ERC2: variants seen among roughly 807,000 people sequenced by gnomAD.
ERC2 encodes the protein ELKS/RAB6-interacting/CAST family member 2, also known as ERC protein 2.
In ERC2, 42 loss-of-function variants were observed where a neutral mutation model predicts 114.8. The observed-to-expected ratio is 0.37, with a 90% CI of 0.29 to 0.47. The LOEUF is 0.47. Ranked by LOEUF, ERC2 falls within the 20% of genes least tolerant of loss-of-function variation. The pLI is 0.99. For synonymous variants in ERC2, 454 were observed against 425.5 expected (o/e 1.07, Z -0.82); for missense variants, 939 against 1,150.7 (o/e 0.82, Z 2.66).
At chr3:56,342,679 GGT>G (rs1450775760) in intron 2 of ERC2, among the ~76,000 whole-genome samples, 1 of 152,166 alleles carries the variant, frequency 6.6e-6, no homozygotes, top group Non-Finnish European at 1.5e-5. Context: ...GATTCTGCCA[GGT>G]GTGTGTCAGG....
chr3:56,164,357 T>G (rs1575646264), intron 4 of ERC2, among the ~76,000 whole-genome samples: 1 of 152,080 alleles, frequency 6.6e-6, no homozygotes, highest in African/African-American at 2.4e-5. Flanking sequence ...ATGTGGCCTT[T>G]TCTGACTGAC....
At chr3:55,714,658 T>C (rs1468649319) in intron 15 of ERC2, among the ~76,000 whole-genome samples, 1 of 74,070 alleles carries the variant, frequency 1.4e-5, no homozygotes, top group Non-Finnish European at 2.4e-5. Flanking sequence ...TGTGTGTGTG[T>C]GTGTGTGTGT....
intron 1 of ERC2, among the ~76,000 whole-genome samples, chr3:56,463,200 G>C (rs2107582563): frequency 6.6e-6 from 1 of 152,254 alleles, no homozygotes; most frequent in Non-Finnish European, 1.5e-5. Flanking sequence ...CTGCACTCCA[G>C]CCTGGGTGAC....
At chr3:55,597,820 C>A (rs959964011) in intron 17 of ERC2, among the ~76,000 whole-genome samples, 1 of 152,212 alleles carries the variant, frequency 6.6e-6, no homozygotes, top group Non-Finnish European at 1.5e-5. Context: ...GAGATATAGA[C>A]CTTGCCCCTA....
chr3:56,186,471 C>G (rs919544270), intron 3 of ERC2, among the ~76,000 whole-genome samples: 3 of 152,088 alleles, frequency 2.0e-5, no homozygotes, highest in African/African-American at 7.2e-5. Context: ...TAACAGTATC[C>G]AAGTCCAATG....
intron 14 of ERC2, among the ~76,000 whole-genome samples, chr3:55,879,597 A>G (rs1248954132): frequency 6.6e-6 from 1 of 152,190 alleles, no homozygotes; most frequent in Non-Finnish European, 1.5e-5. Flanking sequence ...ATGAACTCAG[A>G]TATGCACTAA....
intron 3 of ERC2, among the ~76,000 whole-genome samples, chr3:56,240,177 T>C (rs2051232730): frequency 6.6e-6 from 1 of 152,204 alleles, no homozygotes; most frequent in Non-Finnish European, 1.5e-5. Context: ...TTATAAGTAA[T>C]GGACACGAAG....
At chr3:55,744,235 T>G (rs566463905) in intron 14 of ERC2, among the ~76,000 whole-genome samples, 1 of 152,164 alleles carries the variant, frequency 6.6e-6, no homozygotes, top group South Asian at 2.1e-4. Context: ...AAACCCCATC[T>G]CTACTAAAAA....
chr3:56,432,811 C>T (rs2061850474), intron 2 of ERC2, among the ~76,000 whole-genome samples: 1 of 152,130 alleles, frequency 6.6e-6, no homozygotes, highest in African/African-American at 2.4e-5. Context: ...ATCTCAATTT[C>T]CTTCAGAAAG....
chr3:55,900,007 C>T (rs951206536), intron 13 of ERC2, among the ~76,000 whole-genome samples: 4 of 152,134 alleles, frequency 2.6e-5, no homozygotes, highest in South Asian at 2.1e-4. Context: ...GGCCCTCTGG[C>T]GGCAGTTACA....
chr3:56,090,867 T>G (rs1005868690), intron 6 of ERC2, among the ~76,000 whole-genome samples: 1 of 151,996 alleles, frequency 6.6e-6, no homozygotes, highest in African/African-American at 2.4e-5. Context: ...TAAGTAGCGA[T>G]GAGAACCCAC....
intron 15 of ERC2, among the ~76,000 whole-genome samples, chr3:55,701,104 T>C (rs565472298): frequency 1.5e-4 from 23 of 152,274 alleles, no homozygotes; most frequent in South Asian, 4.1e-4. Context: ...CTCCAACCAG[T>C]TGGAGTTTTA....
intron 15 of ERC2, among the ~76,000 whole-genome samples, chr3:55,720,945 C>T (rs2064511025): frequency 6.6e-6 from 1 of 152,204 alleles, no homozygotes; most frequent in African/African-American, 2.4e-5. Flanking sequence ...TAATGCTTCT[C>T]TGTGAGTTAG....
chr3:55,746,156 G>A (rs1179203608), intron 14 of ERC2, among the ~76,000 whole-genome samples: 1 of 152,110 alleles, frequency 6.6e-6, no homozygotes, highest in Non-Finnish European at 1.5e-5. Flanking sequence ...ATTGCTGTGA[G>A]AAGAATATGT....
intron 4 of ERC2, among the ~76,000 whole-genome samples, chr3:56,161,561 C>T (rs906602879): frequency 6.6e-6 from 1 of 152,118 alleles, no homozygotes; most frequent in African/African-American, 2.4e-5. Context: ...TTTATGTCAT[C>T]TGTGATTTCT....
rs1179289702 is a variant in ERC2 at position 55,509,514 on chromosome 3, T to C, written c.*1802A>G. 2.0e-5 allele frequency: 3 copies of C among 152,490 alleles called. No individual in the cohort carries two copies. Among genetic ancestry groups the C allele is most frequent in the African/African-American group, 7.2e-5 (3 of 41,464 alleles). 9.4% of individuals were successfully genotyped at this position (152,490 alleles called of 1,614,324 possible). A position where few individuals can be genotyped will look rare whatever the true frequency, so the allele number is the denominator to read the frequency against. On this transcript the variant is annotated 3_prime_UTR_variant, in exon 18 of 18. Transcript: ENST00000288221. ...AGTTAAAGGACAAACTTTTAAAACATGAATGCATTTGGATTGTTTATGCAA... is the reference window on the plus strand; with the variant it reads ...AGTTAAAGGACAAACTTTTAAAACACGAATGCATTTGGATTGTTTATGCAA...
chr3:55,656,289 C>T (rs780992338), intron 17 of ERC2, among the ~76,000 whole-genome samples: 1 of 151,972 alleles, frequency 6.6e-6, no homozygotes, highest in Non-Finnish European at 1.5e-5. Context: ...CAGGAGTACA[C>T]CCCCACTTCC....
At position 55,510,604 on chromosome 3, in the gene ERC2, TA is replaced by T. The variant is rs2052009720; in HGVS notation, c.*711del. On this transcript the variant is annotated 3_prime_UTR_variant, in exon 18 of 18. Coordinates refer to ENST00000288221, the MANE Select transcript of ERC2 (RefSeq NM_015576.3). ...GATTTCTTGGCAAGCATTAGTGGTT[TA>T]AAAAATTGATTTCTTTTCCAACCTG... 1.3e-5 allele frequency: 2 copies of T among 152,660 alleles called. No individual in the cohort carries two copies. Among genetic ancestry groups the T allele is most frequent in the African/African-American group, 4.8e-5 (2 of 41,456 alleles). 9.5% of individuals were successfully genotyped at this position (152,660 alleles called of 1,614,324 possible). A position where few individuals can be genotyped will look rare whatever the true frequency, so the allele number is the denominator to read the frequency against.
At chr3:56,171,412 TAA>T (rs1485166800) in intron 4 of ERC2, among the ~76,000 whole-genome samples, 3 of 152,202 alleles carry the variant, frequency 2.0e-5, no homozygotes, top group African/African-American at 7.2e-5. Context: ...AGTGCTTTTG[TAA>T]GTTAATAGGC....
Sources: allele counts gnomAD v4.1 joint callset (sites outside exome capture counted in the v4.1 genomes callset), GRCh38; gene constraint gnomAD v4.1.1; transcripts MANE v1.5; gene names NCBI Gene and HGNC (gene_info 2026-07-23, HGNC 2026-07-21).